SUGCT: variants seen among roughly 807,000 people sequenced by gnomAD.
SUGCT encodes the protein succinyl-CoA:glutarate CoA-transferase.
In SUGCT, 41 loss-of-function variants were observed where a neutral mutation model predicts 55.0. That is an observed-to-expected ratio of 0.74 (90% confidence interval 0.58 to 0.97). The LOEUF is 0.97. Among genes scored for constraint, SUGCT ranks in the 50% least tolerant of loss-of-function variants. The pLI, the probability that SUGCT is intolerant of heterozygous loss-of-function variation, is 0.00. For synonymous variants in SUGCT, 187 were observed against 200.4 expected (o/e 0.93, Z 0.56); for missense variants, 568 against 547.8 (o/e 1.04, Z -0.37).
At chr7:40,181,521 G>A (rs909328786) in intron 2 of SUGCT, among the ~76,000 whole-genome samples, 4 of 151,928 alleles carry the variant, frequency 2.6e-5, no homozygotes, top group East Asian at 3.9e-4. Context: ...TGAGGCGGGC[G>A]GATCATGAGG....
chr7:40,676,033 T>C (rs1783961619), intron 12 of SUGCT, among the ~76,000 whole-genome samples: 1 of 152,054 alleles, frequency 6.6e-6, no homozygotes, highest in Non-Finnish European at 1.5e-5. Context: ...AATATATAAT[T>C]AACAGTAGCT....
chr7:40,588,846 G>A (rs1797552765), intron 12 of SUGCT, among the ~76,000 whole-genome samples: 1 of 152,070 alleles, frequency 6.6e-6, no homozygotes, highest in African/African-American at 2.4e-5. Flanking sequence ...CTTAACAAAT[G>A]TTATTTTTTT....
the SUGCT span, among the ~76,000 whole-genome samples, chr7:40,932,403 G>T: frequency 8.5e-5 from 13 of 152,312 alleles, no homozygotes; most frequent in South Asian, 2.7e-3. Context: ...ATGTTCTATT[G>T]ATTTTGGTTG....
chr7:40,954,842 A>G, the SUGCT span, among the ~76,000 whole-genome samples: 1 of 152,118 alleles, frequency 6.6e-6, no homozygotes. Context: ...GTCCATTTTC[A>G]GTTGTCTACA....
At chr7:40,862,637 G>T (rs1011628450), downstream of SUGCT, among the ~76,000 whole-genome samples, 1 of 152,014 alleles carries the variant, frequency 6.6e-6, no homozygotes, top group Admixed American at 6.5e-5. Context: ...GCAGGTTTGT[G>T]TCTAAGGTTG....
At chr7:40,859,259 G>T (rs1226687491) in intron 13 of SUGCT, among the ~76,000 whole-genome samples, 1 of 152,228 alleles carries the variant, frequency 6.6e-6, no homozygotes. Flanking sequence ...CCAGTGTCCA[G>T]CCTCTCCGTG....
intron 12 of SUGCT, among the ~76,000 whole-genome samples, chr7:40,733,561 G>A (rs140708901): frequency 2.0e-5 from 3 of 152,302 alleles, no homozygotes; most frequent in East Asian, 3.9e-4. Flanking sequence ...TCTTAGAAAC[G>A]TGTTAATTAT....
chr7:40,563,876 G>A (rs1795982475), intron 12 of SUGCT, among the ~76,000 whole-genome samples: 1 of 152,174 alleles, frequency 6.6e-6, no homozygotes, highest in Admixed American at 6.5e-5. Flanking sequence ...AGGCCTACTT[G>A]TGTATAGCTG....
chr7:40,967,769 C>T, the SUGCT span, among the ~76,000 whole-genome samples: 7 of 151,604 alleles, frequency 4.6e-5, no homozygotes, highest in Non-Finnish European at 8.8e-5. Flanking sequence ...TAGAGGTGCC[C>T]GCCACCACGC....
chr7:40,511,709 CAAAG>C, intron 12 of SUGCT, among the ~76,000 whole-genome samples: 2 of 152,160 alleles, frequency 1.3e-5, no homozygotes, highest in East Asian at 1.9e-4. Context: ...AATGCAAAGA[CAAAG>C]AGCCTTGAAT....
chr7:41,030,462 A>G, the SUGCT span, among the ~76,000 whole-genome samples: 814 of 152,306 alleles, frequency 5.3e-3, 3 homozygotes, highest in African/African-American at 0.018. Flanking sequence ...TGGAAAATAC[A>G]CATAAAGAGG....
At chr7:40,556,484 A>T (rs1403095443) in intron 12 of SUGCT, among the ~76,000 whole-genome samples, 1 of 152,174 alleles carries the variant, frequency 6.6e-6, no homozygotes, top group African/African-American at 2.4e-5. Context: ...TTCACTAATG[A>T]ATCACCTGCA....
chr7:40,503,387 A>G (rs1044938165), intron 12 of SUGCT, among the ~76,000 whole-genome samples: 2 of 152,152 alleles, frequency 1.3e-5, no homozygotes, highest in Non-Finnish European at 2.9e-5. Flanking sequence ...AGAATAGCAA[A>G]TATTTTGTAT....
intron 12 of SUGCT, among the ~76,000 whole-genome samples, chr7:40,590,418 C>T (rs1456932487): frequency 6.6e-6 from 1 of 152,128 alleles, no homozygotes; most frequent in Non-Finnish European, 1.5e-5. Flanking sequence ...AAACATAGGC[C>T]TTTTATGCCA....
intron 7 of SUGCT, among the ~76,000 whole-genome samples, chr7:40,242,935 T>TATATATA (rs1562605220): frequency 8.4e-5 from 2 of 23,846 alleles, no homozygotes; most frequent in African/African-American, 2.1e-4. Flanking sequence ...ATATATATAT[T>TATATATA]TTTTTTTTTT....
chr7:40,918,798 T>C, the SUGCT span, among the ~76,000 whole-genome samples: 1 of 152,212 alleles, frequency 6.6e-6, no homozygotes, highest in Non-Finnish European at 1.5e-5. Flanking sequence ...GGTATTCAAA[T>C]ACTCAAACAG....
intron 12 of SUGCT, chr7:40,498,986 A>G (rs1562819628): frequency 2.4e-6 from 1 of 422,014 alleles, no homozygotes; most frequent in Non-Finnish European, 4.8e-6. Flanking sequence ...TTTCCGTAAA[A>G]GTTTTTTCTA....
At chr7:40,171,676 T>A (rs1479388302) in intron 1 of SUGCT, among the ~76,000 whole-genome samples, 10 of 152,234 alleles carry the variant, frequency 6.6e-5, no homozygotes. Flanking sequence ...CCTCTAAACG[T>A]TACTTTTCTA....
At chr7:40,843,954 G>A (rs2128792193) in intron 13 of SUGCT, among the ~76,000 whole-genome samples, 1 of 152,188 alleles carries the variant, frequency 6.6e-6, no homozygotes, top group Non-Finnish European at 1.5e-5. Context: ...CTTGTGAAGG[G>A]GTGGCTCATT....
Sources: allele counts gnomAD v4.1 joint callset (sites outside exome capture counted in the v4.1 genomes callset), GRCh38; gene constraint gnomAD v4.1.1; transcripts MANE v1.5; gene names NCBI Gene and HGNC (gene_info 2026-07-23, HGNC 2026-07-21).